Variants in CPAMD8 observed in about 807,000 individuals in gnomAD.
CPAMD8 encodes C3 and PZP-like alpha-2-macroglobulin domain-containing protein 8.
Under a neutral mutation model 224.7 loss-of-function variants are expected in CPAMD8, and 146 were observed. The observed-to-expected ratio is 0.65, with a 90% CI of 0.57 to 0.75. The LOEUF (loss-of-function observed/expected upper bound fraction) is 0.75, where lower values mean the gene tolerates loss of function less well. Ranked by LOEUF, CPAMD8 falls within the 30% of genes least tolerant of loss-of-function variation. The pLI is 0.00. For synonymous variants in CPAMD8, 966 were observed against 1,044.6 expected (o/e 0.92, Z 1.45); for missense variants, 2,301 against 2,537.5 (o/e 0.91, Z 2.00).
intron 3 of CPAMD8, among the ~76,000 whole-genome samples, chr19:17,014,738 C>T (rs1379182571): frequency 3.3e-5 from 5 of 152,160 alleles, no homozygotes; most frequent in Admixed American, 6.5e-5. Context: ...CAATTATCTC[C>T]CTCTGGGTCC....
In CPAMD8 at chr19:16,924,695, C is replaced by T. The variant is rs138844990; in HGVS notation, c.3547+501G>A. ...TCCTGGGCCCAAGTGATCCTCCTGC[C>T]TCAGCCTCCTGAGCAGCTGGGACTA... On this transcript the variant is annotated intron_variant, in intron 26 of 41. Coordinates refer to ENST00000443236, the MANE Select transcript of CPAMD8 (RefSeq NM_015692.5). Among the ~76,000 whole-genome samples, 757 of 152,338 alleles carry T rather than the reference C, an allele frequency of 5.0e-3. 4 individuals are homozygous for T. The highest frequency in any genetic ancestry group is 0.017 in the African/African-American group (721 of 41,572).
chr19:16,967,535 A>T (rs1185027211), intron 18 of CPAMD8, among the ~76,000 whole-genome samples: 1 of 152,096 alleles, frequency 6.6e-6, no homozygotes, highest in Non-Finnish European at 1.5e-5. Context: ...GGCCAGGTGC[A>T]GTGGCTCATG....
intron 41 of CPAMD8, chr19:16,893,603 A>C: frequency 2.6e-6 from 1 of 383,150 alleles, no homozygotes; most frequent in East Asian, 3.8e-5. Context: ...AGGGGTCACA[A>C]AGGGGAATCA....
At chr19:17,018,749 CACACACAA>C (rs1379022733) in intron 3 of CPAMD8, among the ~76,000 whole-genome samples, 1 of 149,286 alleles carries the variant, frequency 6.7e-6, no homozygotes, top group Non-Finnish European at 1.5e-5. Context: ...CACACACACA[CACACACAA>C]AATTAGCCAG....
chr19:16,968,020 T>C (rs1024996672), intron 18 of CPAMD8, among the ~76,000 whole-genome samples: 3 of 139,992 alleles, frequency 2.1e-5, no homozygotes, highest in Non-Finnish European at 3.1e-5. Context: ...GCATTTCTTA[T>C]GCCTTTCTCC....
chr19:16,908,309 G>A (rs1370420908), intron 29 of CPAMD8, among the ~76,000 whole-genome samples: 1 of 151,782 alleles, frequency 6.6e-6, no homozygotes, highest in Non-Finnish European at 1.5e-5. Context: ...GTTGCAGTGA[G>A]CCGAGATTGC....
chr19:16,987,531 T>C (rs1250114216), intron 13 of CPAMD8, among the ~76,000 whole-genome samples: 1 of 152,142 alleles, frequency 6.6e-6, no homozygotes, highest in Admixed American at 6.6e-5. Flanking sequence ...ATCTTATGAT[T>C]TTCTTAATAA....
At chr19:17,018,613 C>T (rs2056871231) in intron 3 of CPAMD8, among the ~76,000 whole-genome samples, 1 of 152,016 alleles carries the variant, frequency 6.6e-6, no homozygotes, top group Non-Finnish European at 1.5e-5. Context: ...GTGGCTCATG[C>T]CTGTAATCTC....
chr19:16,927,952 C>A, intron 25 of CPAMD8, 57 bp downstream of exon 25: 1 of 1,303,558 alleles, frequency 7.7e-7, no homozygotes, highest in Non-Finnish European at 1.1e-6. Flanking sequence ...AGCCTGGAGT[C>A]TCAACTTCGG....
At chr19:16,909,619 C>A (rs1213065886) in intron 29 of CPAMD8, among the ~76,000 whole-genome samples, 2 of 151,986 alleles carry the variant, frequency 1.3e-5, no homozygotes, top group Admixed American at 1.3e-4. Flanking sequence ...GTGGCCCATG[C>A]CTGTAATCCC....
At position 16,945,508 on chromosome 19, in the gene CPAMD8, G is replaced by GTTC. The variant is rs748267583; in HGVS notation, c.2793+40_2793+41insGAA. On this transcript the variant is annotated intron_variant, in intron 22 of 41. Transcript: ENST00000443236. ...GGCCCAGCTTCATGGCTGAAGGAATGAGGCCCTGGCTAAGCACCAGAGATG... is the reference window on the plus strand; with the variant it reads ...GGCCCAGCTTCATGGCTGAAGGAATGTTCAGGCCCTGGCTAAGCACCAGAGATG... 7 of 1,600,026 alleles carry GTTC rather than the reference G, an allele frequency of 4.4e-6. No homozygotes were observed. In the Admixed American group the frequency reaches 1.2e-4, roughly 27 times the overall value.
At chr19:16,937,886 C>G (rs576592959) in intron 23 of CPAMD8, among the ~76,000 whole-genome samples, 2 of 152,270 alleles carry the variant, frequency 1.3e-5, no homozygotes, top group African/African-American at 4.8e-5. Context: ...AACTCCTAAC[C>G]TTGTGATCCA....
At chr19:16,988,144 G>A (rs1314230373) in intron 13 of CPAMD8, among the ~76,000 whole-genome samples, 1 of 152,140 alleles carries the variant, frequency 6.6e-6, no homozygotes, top group Non-Finnish European at 1.5e-5. Flanking sequence ...TGCACTCAGA[G>A]TGTCTGTGTG....
At chr19:16,977,589 A>C (rs779697796) in intron 14 of CPAMD8, 49 bp from the exon 15 acceptor site, 2 of 1,427,612 alleles carry the variant, frequency 1.4e-6, no homozygotes, top group Non-Finnish European at 9.4e-7. Flanking sequence ...CGCATCCGAC[A>C]TGCAACCTCA....
At chr19:16,936,071 G>T (rs936661010) in intron 23 of CPAMD8, among the ~76,000 whole-genome samples, 1 of 151,978 alleles carries the variant, frequency 6.6e-6, no homozygotes, top group Non-Finnish European at 1.5e-5. Context: ...AGGACTACAG[G>T]CACAAGCCAC....
At chr19:16,970,772 T>C (rs531529796) in intron 18 of CPAMD8, 119 bp downstream of exon 18, 485 of 919,240 alleles carry the variant, frequency 5.3e-4, no homozygotes, top group Non-Finnish European at 4.3e-4. Context: ...TAAATTTCAG[T>C]TGTTTATAAG....
intron 29 of CPAMD8, among the ~76,000 whole-genome samples, chr19:16,912,607 G>A (rs2052770077): frequency 6.6e-6 from 1 of 152,148 alleles, no homozygotes; most frequent in African/African-American, 2.4e-5. Context: ...AAATTAGCCG[G>A]ATGCAGTGGC....
At chr19:17,006,724 G>A (rs1022446281) in intron 7 of CPAMD8, among the ~76,000 whole-genome samples, 6 of 151,862 alleles carry the variant, frequency 4.0e-5, no homozygotes, top group Non-Finnish European at 7.4e-5. Flanking sequence ...CCCTTGCTTT[G>A]CCTGGCTGTC....
At chr19:17,026,312 TGGGGCGG>T (rs1485225343) in intron 1 of CPAMD8, among the ~76,000 whole-genome samples, 1 of 151,920 alleles carries the variant, frequency 6.6e-6, no homozygotes, top group Non-Finnish European at 1.5e-5. Flanking sequence ...GGGGGCGAGG[TGGGGCGG>T]GGGGAGCTGA....
Sources: gnomAD v4.1 joint callset for allele counts (sites outside exome capture counted in the v4.1 genomes callset) on GRCh38, gnomAD v4.1.1 for gene constraint, MANE v1.5 for transcripts, NCBI Gene and HGNC (gene_info 2026-07-23, HGNC 2026-07-21) for gene names.